Variants in SPAG17 observed in about 807,000 individuals in gnomAD.
The protein encoded by SPAG17 is sperm associated antigen 17.
SPAG17 carries 169 observed loss-of-function variants against 273.6 expected under a neutral mutation model. The ratio of observed to expected loss-of-function variants is 0.62; its 90% CI spans 0.55 to 0.70. The LOEUF is 0.70. Among genes scored for constraint, SPAG17 ranks in the 30% least tolerant of loss-of-function variants. SPAG17 has a pLI of 0.00. For missense variants in SPAG17, 2,557 were observed against 2,627.8 expected (o/e 0.97, Z 0.59); for synonymous variants, 825 against 873.2 (o/e 0.94, Z 0.97).
At position 118,095,412 on chromosome 1, in the gene SPAG17, G is replaced by A. The variant is rs115610485; in HGVS notation, c.1012-2095C>T. 7.1e-3 allele frequency among the ~76,000 whole-genome samples: 1,086 copies of A among 152,306 alleles called. 5 individuals are homozygous for A. Among genetic ancestry groups the A allele is most frequent in the Non-Finnish European group, 0.011 (731 of 68,030 alleles). ...AGATGGAGCAAAAGGTACTTGGCTT[G>A]AGGCTGACTTAGAAGCAGCCTCCTC... On this transcript the variant is annotated intron_variant, in intron 7 of 48. Coordinates refer to ENST00000336338, the MANE Select transcript of SPAG17 (RefSeq NM_206996.4).
At position 117,953,953 on chromosome 1, in the gene SPAG17, C is replaced by A; in HGVS notation, c.*97G>T. 1 of 1,471,296 alleles carries A rather than the reference C, an allele frequency of 6.8e-7. No homozygotes were observed. Among genetic ancestry groups the A allele is most frequent in the South Asian group, 1.2e-5 (1 of 81,916 alleles). 91.1% of individuals were successfully genotyped at this position (1,471,296 alleles called of 1,614,324 possible). The stretch of plus-strand genomic sequence containing the variant: ...TGGTCAGTTCTTCCAGTTTCAGTGT[C>A]CTGGGATGATGGAGTATGTTGTGAT... On this transcript the variant is annotated 3_prime_UTR_variant, in exon 49 of 49. Transcript: ENST00000336338.
intron 1 of SPAG17, among the ~76,000 whole-genome samples, chr1:118,171,814 A>G (rs1320836875): frequency 6.6e-6 from 1 of 152,162 alleles, no homozygotes; most frequent in East Asian, 1.9e-4. Flanking sequence ...GGTCCACGTA[A>G]AATGTTATGA....
intron 36 of SPAG17, among the ~76,000 whole-genome samples, chr1:117,991,951 G>C (rs1657142456): frequency 6.6e-6 from 1 of 152,074 alleles, no homozygotes; most frequent in Admixed American, 6.5e-5. Context: ...ATAAGTATTT[G>C]ATCAATTTCT....
intron 20 of SPAG17, among the ~76,000 whole-genome samples, chr1:118,045,370 A>G (rs759941194): frequency 2.6e-5 from 4 of 152,134 alleles, no homozygotes; most frequent in Admixed American, 6.5e-5. Flanking sequence ...CGCCCACATA[A>G]CGAAACCTCC....
At chr1:118,091,849 A>G in intron 9 of SPAG17, 81 bp downstream of exon 9, 1 of 1,463,212 alleles carries the variant, frequency 6.8e-7, no homozygotes, top group East Asian at 2.3e-5. Context: ...AGGGAGGCTG[A>G]AAGTAATATG....
chr1:118,081,300 T>C lies in SPAG17; in HGVS notation c.2010A>G (p.Arg670=). 1 of 1,614,066 alleles carries C rather than the reference T, an allele frequency of 6.2e-7. No individual in the cohort carries two copies. ...ACAAATTCTGATCCACAAATAGTGT[T>C]CTGTCTTTGATTTTAATATCTATTC... ...KQKADIKIKD[R]TLFVDQNLSM... is the part of the protein sequence containing the mutation. The change falls in exon 15 of 49, where the codon AGA becomes AGG. Residue 670 remains arginine, a synonymous_variant. Transcript: ENST00000336338.
At chr1:118,098,333 C>T (rs1291296984) in intron 6 of SPAG17, among the ~76,000 whole-genome samples, 1 of 152,072 alleles carries the variant, frequency 6.6e-6, no homozygotes, top group Non-Finnish European at 1.5e-5. Context: ...CATTAAATAG[C>T]AATAGGCTTC....
At chr1:118,051,287 A>G (rs1205816547) in intron 20 of SPAG17, among the ~76,000 whole-genome samples, 1 of 152,126 alleles carries the variant, frequency 6.6e-6, no homozygotes, top group East Asian at 1.9e-4. Flanking sequence ...TGGTACACTG[A>G]TGATGGGAAT....
At chr1:118,021,881 C>G (rs1193721577) in intron 28 of SPAG17, among the ~76,000 whole-genome samples, 1 of 152,000 alleles carries the variant, frequency 6.6e-6, no homozygotes, top group Non-Finnish European at 1.5e-5. Flanking sequence ...ACCCTTGAGC[C>G]GAGAAATTTG....
At position 118,148,344 on chromosome 1, in the gene SPAG17, T is replaced by C. The variant is rs151129467; in HGVS notation, c.315+2199A>G. Among the ~76,000 whole-genome samples, 10 of 152,254 alleles carry C rather than the reference T, an allele frequency of 6.6e-5. No individual in the cohort carries two copies. The East Asian group carries it at 1.9e-3, about 29-fold the overall frequency. On this transcript the variant is annotated intron_variant, in intron 3 of 48. Coordinates refer to ENST00000336338, the MANE Select transcript of SPAG17 (RefSeq NM_206996.4). ...CCAAACACTGAGCAACAGCAAGAGT[T>C]GTCACAAAGAGCGAAAAAACAAATC... is the stretch of plus-strand genomic sequence containing the variant.
At chr1:118,118,467 G>A (rs1488138732) in intron 3 of SPAG17, among the ~76,000 whole-genome samples, 1 of 152,182 alleles carries the variant, frequency 6.6e-6, no homozygotes, top group Non-Finnish European at 1.5e-5. Flanking sequence ...AAATAGTCCT[G>A]AATGGGTTAA....
chr1:118,094,653 A>C (rs1029192651), intron 7 of SPAG17, among the ~76,000 whole-genome samples: 1 of 152,178 alleles, frequency 6.6e-6, no homozygotes, highest in African/African-American at 2.4e-5. Flanking sequence ...GTAGATTATA[A>C]TTTTTATGCT....
chr1:118,126,072 C>T (rs1399889620), intron 3 of SPAG17, among the ~76,000 whole-genome samples: 62 of 134,628 alleles, frequency 4.6e-4, no homozygotes, highest in African/African-American at 1.5e-3. Context: ...AATAGCCATT[C>T]TAACGGGTGA....
intron 3 of SPAG17, among the ~76,000 whole-genome samples, chr1:118,126,234 C>T (rs1657724872): frequency 8.3e-6 from 1 of 120,758 alleles, no homozygotes; most frequent in Non-Finnish European, 1.6e-5. Flanking sequence ...GAGACAGAGT[C>T]TCGCTCTGTT....
chr1:118,061,289 T>C (rs1652264213), intron 18 of SPAG17, among the ~76,000 whole-genome samples: 1 of 152,112 alleles, frequency 6.6e-6, no homozygotes, highest in African/African-American at 2.4e-5. Context: ...GTAGCCAAGA[T>C]AAAAAAACAA....
chr1:117,957,754 G>A (rs888071981), intron 48 of SPAG17, among the ~76,000 whole-genome samples: 4 of 152,112 alleles, frequency 2.6e-5, no homozygotes, highest in Non-Finnish European at 5.9e-5. Context: ...GGCCCGAGAC[G>A]GTTCTTCCAG....
intron 19 of SPAG17, 51 bp from the exon 20 acceptor site, chr1:118,054,144 T>C (rs766820742): frequency 1.2e-5 from 15 of 1,213,750 alleles, no homozygotes; most frequent in African/African-American, 1.2e-4. Flanking sequence ...TAAGATATCA[T>C]AGAAGGCCCA....
chr1:118,071,933 A>G (rs1290266950), intron 17 of SPAG17, among the ~76,000 whole-genome samples: 6 of 152,152 alleles, frequency 3.9e-5, no homozygotes, highest in Non-Finnish European at 8.8e-5. Context: ...AAAATTTCCC[A>G]AAATATAAAT....
chr1:117,976,132 T>C (rs1655111902), intron 43 of SPAG17, among the ~76,000 whole-genome samples: 1 of 152,212 alleles, frequency 6.6e-6, no homozygotes, highest in Admixed American at 6.5e-5. Flanking sequence ...CTCTTAGCTC[T>C]GCTCTATACT....
Sources: gnomAD v4.1 joint callset for allele counts (sites outside exome capture counted in the v4.1 genomes callset) on GRCh38, gnomAD v4.1.1 for gene constraint, MANE v1.5 for transcripts, NCBI Gene and HGNC (gene_info 2026-07-23, HGNC 2026-07-21) for gene names.